The following PKD2 variants were observed in gnomAD, a reference collection of about 807,000 sequenced individuals.
PKD2 encodes the protein polycystin 2, transient receptor potential cation channel, also known as polycystin-2.
PKD2 carries 48 observed loss-of-function variants against 105.9 expected under a neutral mutation model. That is an observed-to-expected ratio of 0.45 (90% confidence interval 0.36 to 0.58). PKD2 has a LOEUF of 0.58. Ranked by LOEUF, PKD2 falls within the 20% of genes least tolerant of loss-of-function variation. PKD2 has a pLI of 0.00. For missense variants in PKD2, 1,078 were observed against 1,255.3 expected (o/e 0.86, Z 2.13); for synonymous variants, 464 against 481.1 (o/e 0.96, Z 0.46).
At chr4:88,024,465 A>G (rs1406959981) in intron 2 of PKD2, among the ~76,000 whole-genome samples, 2 of 149,160 alleles carry the variant, frequency 1.3e-5, no homozygotes, top group Non-Finnish European at 3.0e-5. Context: ...TCGAAAAAAA[A>G]AAAAAAAAAA....
chr4:88,018,297 C>T (rs975590878), intron 1 of PKD2, among the ~76,000 whole-genome samples: 3 of 152,184 alleles, frequency 2.0e-5, no homozygotes, highest in Non-Finnish European at 2.9e-5. Flanking sequence ...ATAGAACTTA[C>T]ATATTATTAT....
chr4:88,051,395 A>G (rs1720089405), intron 6 of PKD2, among the ~76,000 whole-genome samples: 1 of 152,044 alleles, frequency 6.6e-6, no homozygotes, highest in Non-Finnish European at 1.5e-5. Flanking sequence ...ATTTAACTTC[A>G]TGTGTTTATC....
At chr4:88,070,593 TATATATATAGAGAG>T (rs1371280350) in intron 13 of PKD2, among the ~76,000 whole-genome samples, 44 of 108,480 alleles carry the variant, frequency 4.1e-4, no homozygotes, top group African/African-American at 1.5e-3. Flanking sequence ...TATATATATA[TATATATATAGAGAG>T]AGAGAGAGAG....
intron 9 of PKD2, among the ~76,000 whole-genome samples, chr4:88,061,581 T>C (rs1233541742): frequency 1.3e-5 from 2 of 151,938 alleles, no homozygotes; most frequent in Admixed American, 6.6e-5. Flanking sequence ...CTACTAAAAA[T>C]ACAACAGTTA....
intron 1 of PKD2, among the ~76,000 whole-genome samples, chr4:88,015,293 G>A (rs1466733276): frequency 6.6e-6 from 1 of 152,182 alleles, no homozygotes; most frequent in African/African-American, 2.4e-5. Context: ...GCATCAGATG[G>A]GTGAGGATGT....
intron 12 of PKD2, 39 bp from the exon 13 acceptor site, chr4:88,067,859 A>G: frequency 6.3e-7 from 1 of 1,592,686 alleles, no homozygotes; most frequent in Non-Finnish European, 8.6e-7. Context: ...GTGGGGTCTC[A>G]GTGTTCTGCT....
At chr4:88,012,876 G>GCCTTCTTT (rs1726433876) in intron 1 of PKD2, among the ~76,000 whole-genome samples, 1 of 151,946 alleles carries the variant, frequency 6.6e-6, no homozygotes, top group Non-Finnish European at 1.5e-5. Context: ...TATTTTCAAG[G>GCCTTCTTT]TTTATCCATG....
chr4:88,035,714 A>C (rs768652660), intron 2 of PKD2, among the ~76,000 whole-genome samples: 8 of 152,344 alleles, frequency 5.3e-5, no homozygotes, highest in Non-Finnish European at 8.8e-5. Flanking sequence ...GATTAGCCTC[A>C]GGGCACAGAA....
chr4:88,011,750 T>G (rs903151535), intron 1 of PKD2, among the ~76,000 whole-genome samples: 1 of 152,168 alleles, frequency 6.6e-6, no homozygotes, highest in African/African-American at 2.4e-5. Context: ...ACACAGAAAC[T>G]GCAAACATCC....
At chr4:88,017,996 T>C (rs1183108542) in intron 1 of PKD2, among the ~76,000 whole-genome samples, 1 of 152,264 alleles carries the variant, frequency 6.6e-6, no homozygotes, top group Non-Finnish European at 1.5e-5. Context: ...TTTGGCTGCC[T>C]CTGTGTTATT....
intron 7 of PKD2, among the ~76,000 whole-genome samples, chr4:88,055,224 A>T (rs1014116884): frequency 6.6e-6 from 1 of 152,230 alleles, no homozygotes; most frequent in Admixed American, 6.5e-5. Flanking sequence ...TATTTCAGAC[A>T]TTGCAGAGAT....
At chr4:88,049,927 C>T (rs1719982335) in intron 6 of PKD2, among the ~76,000 whole-genome samples, 1 of 150,620 alleles carries the variant, frequency 6.6e-6, no homozygotes, top group South Asian at 2.1e-4. Flanking sequence ...GGAATTTAAA[C>T]TCAAATAATT....
chr4:88,043,783 T>A (rs1727667299), intron 5 of PKD2, among the ~76,000 whole-genome samples: 1 of 152,206 alleles, frequency 6.6e-6, no homozygotes, highest in Non-Finnish European at 1.5e-5. Context: ...GTGCCACATG[T>A]TCCATCACCA....
intron 2 of PKD2, among the ~76,000 whole-genome samples, chr4:88,026,617 T>G (rs1166017056): frequency 6.6e-6 from 1 of 152,194 alleles, no homozygotes; most frequent in Admixed American, 6.5e-5. Context: ...TGGAGAAATT[T>G]GCATAAGTAA....
At position 88,075,783 on chromosome 4, in the gene PKD2, C is replaced by A; in HGVS notation, c.*89C>A. The A allele has an allele frequency of 1.1e-6, 1 of 873,190 alleles. No homozygotes were observed. Among genetic ancestry groups the A allele is most frequent in the Non-Finnish European group, 1.9e-6 (1 of 516,670 alleles). 54.1% of individuals were successfully genotyped at this position (873,190 alleles called of 1,614,324 possible). On this transcript the variant is annotated 3_prime_UTR_variant, in exon 15 of 15. Transcript: ENST00000237596. Reference sequence around the variant, plus strand: ...CAAGCACACTATTTATATGCCCTGACCACCATAGGATGCTAGTCTTTGTGA... The same window carrying A: ...CAAGCACACTATTTATATGCCCTGAACACCATAGGATGCTAGTCTTTGTGA...
intron 12 of PKD2, among the ~76,000 whole-genome samples, chr4:88,066,363 CTTT>C (rs36207866): frequency 2.9e-5 from 4 of 137,538 alleles, no homozygotes; most frequent in Non-Finnish European, 4.8e-5. Flanking sequence ...ACTTTTTTTT[CTTT>C]TTTTTTTTTT....
chr4:88,035,928 G>A, intron 2 of PKD2: 1 of 424,438 alleles, frequency 2.4e-6, no homozygotes, highest in Non-Finnish European at 4.4e-6. Context: ...TAGGCATGTT[G>A]GTAGTCCTAA....
chr4:88,059,005 C>G (rs977577032), intron 9 of PKD2, among the ~76,000 whole-genome samples: 1 of 151,892 alleles, frequency 6.6e-6, no homozygotes, highest in Non-Finnish European at 1.5e-5. Flanking sequence ...TGTAAAGATC[C>G]CTTGAGGAAG....
chr4:88,040,717 G>A (rs1197549186), intron 4 of PKD2, among the ~76,000 whole-genome samples: 1 of 152,194 alleles, frequency 6.6e-6, no homozygotes, highest in African/African-American at 2.4e-5. Context: ...GAAAGTGGCA[G>A]TGTTGACCGC....
Sources: gnomAD v4.1 joint callset for allele counts (sites outside exome capture counted in the v4.1 genomes callset) on GRCh38, gnomAD v4.1.1 for gene constraint, MANE v1.5 for transcripts, NCBI Gene and HGNC (gene_info 2026-07-23, HGNC 2026-07-21) for gene names.